FOXP1: variants seen among roughly 807,000 people sequenced by gnomAD.
FOXP1 encodes the protein forkhead box protein P1.
FOXP1 carries 15 observed loss-of-function variants against 98.2 expected under a neutral mutation model. The ratio of observed to expected loss-of-function variants is 0.15; its 90% CI spans 0.10 to 0.24. The LOEUF is 0.24. FOXP1 is among the 10% of genes least tolerant of loss of function. FOXP1 has a pLI of 1.00. For synonymous variants in FOXP1, 371 were observed against 314.5 expected (o/e 1.18, Z -1.90); for missense variants, 633 against 848.5 (o/e 0.75, Z 3.15).
intron 6 of FOXP1, among the ~76,000 whole-genome samples, chr3:71,123,343 C>T (rs1454307989): frequency 1.3e-5 from 2 of 152,198 alleles, no homozygotes; most frequent in Non-Finnish European, 2.9e-5. Flanking sequence ...TATCTCTGCT[C>T]TCTCGCACGC....
At chr3:71,304,541 G>A (rs1447525270) in intron 4 of FOXP1, 1 of 152,172 alleles carries the variant, frequency 6.6e-6, no homozygotes, top group Non-Finnish European at 1.5e-5. Context: ...GTATTTTTAA[G>A]TGAAAACTAT....
chr3:71,475,115 A>G (rs2089711066), intron 3 of FOXP1, among the ~76,000 whole-genome samples: 1 of 151,850 alleles, frequency 6.6e-6, no homozygotes, highest in Non-Finnish European at 1.5e-5. Flanking sequence ...AGCCCTCACT[A>G]CAATTCCTAT....
At chr3:71,275,717 T>C (rs2070810184) in intron 5 of FOXP1, among the ~76,000 whole-genome samples, 1 of 152,198 alleles carries the variant, frequency 6.6e-6, no homozygotes. Flanking sequence ...TACTTAGTGG[T>C]GTATGTGAGG....
intron 3 of FOXP1, among the ~76,000 whole-genome samples, chr3:71,399,185 CATATGTGT>C (rs2081776550): frequency 6.6e-6 from 1 of 152,134 alleles, no homozygotes; most frequent in Non-Finnish European, 1.5e-5. Context: ...TGTACATACA[CATATGTGT>C]ATATGTGTAG....
At chr3:71,408,244 C>G (rs940726888) in intron 3 of FOXP1, among the ~76,000 whole-genome samples, 1 of 152,060 alleles carries the variant, frequency 6.6e-6, no homozygotes, top group Admixed American at 6.6e-5. Flanking sequence ...ATTTCAGAGA[C>G]CATTCAAACT....
intron 3 of FOXP1, among the ~76,000 whole-genome samples, chr3:71,427,767 C>G (rs527767862): frequency 6.6e-6 from 1 of 152,118 alleles, no homozygotes; most frequent in African/African-American, 2.4e-5. Context: ...AAAGAGGATG[C>G]CTGGCTTTCA....
At chr3:71,113,777 G>GA (rs976584459) in intron 6 of FOXP1, among the ~76,000 whole-genome samples, 5 of 90,266 alleles carry the variant, frequency 5.5e-5, no homozygotes, top group Non-Finnish European at 1.2e-4. Context: ...AGTAAAAAAA[G>GA]AAAAAAACAA....
chr3:71,151,583 A>T (rs988403377), intron 6 of FOXP1, among the ~76,000 whole-genome samples: 3 of 152,080 alleles, frequency 2.0e-5, no homozygotes, highest in African/African-American at 7.2e-5. Flanking sequence ...TCTGCACTAG[A>T]TAGAAAGACA....
At chr3:71,193,744 C>T (rs970986283) in intron 6 of FOXP1, among the ~76,000 whole-genome samples, 2 of 152,200 alleles carry the variant, frequency 1.3e-5, no homozygotes, top group African/African-American at 2.4e-5. Context: ...CCACCACAGA[C>T]AGCCTCTACA....
At chr3:71,093,273 G>GAAA (rs34159878) in intron 7 of FOXP1, among the ~76,000 whole-genome samples, 5 of 133,540 alleles carry the variant, frequency 3.7e-5, no homozygotes, top group African/African-American at 8.4e-5. Flanking sequence ...AAATAAAAAT[G>GAAA]AAAAAAAAAA....
At chr3:71,502,295 C>T (rs1331918432) in intron 2 of FOXP1, among the ~76,000 whole-genome samples, 1 of 152,230 alleles carries the variant, frequency 6.6e-6, no homozygotes, top group African/African-American at 2.4e-5. Flanking sequence ...GGAGCCTCTG[C>T]AGCTCCCTGG....
At position 71,155,081 on chromosome 3, in the gene FOXP1, T is replaced by G. The variant is rs1411495579; in HGVS notation, c.181-42444A>C. ...TGGAGGAACTTAAGATTCAGAGAAT[T>G]TAAGATGCTGAGAGGCAAGCCACAA... On this transcript the variant is annotated intron_variant, in intron 6 of 20. Transcript: ENST00000649528. Among the ~76,000 whole-genome samples the G allele has an allele frequency of 2.6e-5, 4 of 152,166 alleles. No individual in the cohort carries two copies. In the East Asian group the frequency reaches 7.7e-4, roughly 29 times the overall value.
chr3:71,472,394 G>C (rs1020122722), intron 3 of FOXP1, among the ~76,000 whole-genome samples: 1 of 151,676 alleles, frequency 6.6e-6, no homozygotes, highest in East Asian at 1.9e-4. Context: ...TTATGGGTCC[G>C]AGAGGATTCA....
chr3:71,554,343 A>G (rs2045973931), intron 2 of FOXP1, among the ~76,000 whole-genome samples: 1 of 152,006 alleles, frequency 6.6e-6, no homozygotes, highest in Admixed American at 6.6e-5. Context: ...ACAGAGGGGG[A>G]CTCTGTCTCT....
At chr3:71,439,918 A>T (rs1441959856) in intron 3 of FOXP1, among the ~76,000 whole-genome samples, 1 of 149,048 alleles carries the variant, frequency 6.7e-6, no homozygotes, top group Non-Finnish European at 1.5e-5. Flanking sequence ...TGCACACTCC[A>T]GCCTGGGCGA....
In FOXP1 at chr3:70,972,642, C is replaced by T. The variant is rs2107200212; in HGVS notation, c.1565G>A (p.Cys522Tyr). The change falls in exon 18 of 21, where the codon TGT becomes TAT. Residue 522 changes from cysteine (C) to tyrosine (Y), a missense_variant. Cys to Tyr is a radical substitution (Grantham distance 194). This residue lies in a region of FOXP1 where 141 missense variants were observed against 199.5 expected (regional missense o/e 0.71). Transcript: ENST00000649528. ...AVRHNLSLHK[C>Y]FVRVENVKGA... ...TTTAACGTTTTCTACTCGCACAAAA[C>T]ACTTGTGAAGACTAAGATTATGACG... 2 of 1,614,034 alleles carry T rather than the reference C, an allele frequency of 1.2e-6. No homozygotes were observed.
chr3:71,536,975 C>T (rs13098941), intron 2 of FOXP1, among the ~76,000 whole-genome samples: 7 of 152,128 alleles, frequency 4.6e-5, no homozygotes, highest in African/African-American at 1.4e-4. Context: ...TCCTGCCCAC[C>T]TGAGCCATGG....
At chr3:71,374,871 A>G (rs962607024) in intron 3 of FOXP1, among the ~76,000 whole-genome samples, 1 of 152,220 alleles carries the variant, frequency 6.6e-6, no homozygotes, top group Non-Finnish European at 1.5e-5. Flanking sequence ...AGTTGGCTTC[A>G]CTACTCTTTT....
intron 6 of FOXP1, among the ~76,000 whole-genome samples, chr3:71,185,053 T>G (rs1327573479): frequency 6.6e-6 from 1 of 151,950 alleles, no homozygotes; most frequent in East Asian, 1.9e-4. Context: ...ATTAGCCAGG[T>G]GTGGTGGCAG....
Sources: allele counts gnomAD v4.1 joint callset (sites outside exome capture counted in the v4.1 genomes callset), GRCh38; gene constraint gnomAD v4.1.1; regional missense constraint gnomAD v4.1.1; transcripts MANE v1.5; gene names NCBI Gene and HGNC (gene_info 2026-07-23, HGNC 2026-07-21).